The following GOLIM4 variants were observed in gnomAD, a reference collection of about 807,000 sequenced individuals.
The protein encoded by GOLIM4 is golgi integral membrane protein 4, also known as 130 kDa golgi-localized phosphoprotein.
Under a neutral mutation model 107.4 loss-of-function variants are expected in GOLIM4, and 71 were observed. The ratio of observed to expected loss-of-function variants is 0.66; its 90% CI spans 0.55 to 0.81. The LOEUF is 0.81. Ranked by LOEUF, GOLIM4 falls within the 30% of genes least tolerant of loss-of-function variation. The pLI, the probability that GOLIM4 is intolerant of heterozygous loss-of-function variation, is 0.00. For synonymous variants in GOLIM4, 327 were observed against 294.8 expected, an observed-to-expected ratio of 1.11 and a Z score of -1.12; for missense variants, 830 against 826.1, an observed-to-expected ratio of 1.00 and a Z score of -0.06.
chr3:168,041,322 A>C, intron 6 of GOLIM4, 70 bp downstream of exon 6: 2 of 892,722 alleles, frequency 2.2e-6, no homozygotes, highest in South Asian at 2.8e-5. Context: ...TTAGGGAATG[A>C]CTTTTTAAAG....
intron 1 of GOLIM4, among the ~76,000 whole-genome samples, chr3:168,093,755 A>G (rs770464844): frequency 1.3e-5 from 2 of 152,198 alleles, no homozygotes; most frequent in Non-Finnish European, 2.9e-5. Flanking sequence ...CGAGCCATAT[A>G]TTTTCATTGC....
chr3:168,082,081 C>G (rs1721397165), intron 1 of GOLIM4, among the ~76,000 whole-genome samples: 1 of 152,122 alleles, frequency 6.6e-6, no homozygotes, highest in Non-Finnish European at 1.5e-5. Context: ...TGCCCTAAAG[C>G]AGTGGTTCTT....
intron 1 of GOLIM4, among the ~76,000 whole-genome samples, chr3:168,064,206 T>C (rs1720425646): frequency 6.6e-6 from 1 of 152,204 alleles, no homozygotes; most frequent in Non-Finnish European, 1.5e-5. Flanking sequence ...ACAGTCTTTT[T>C]ATAATACTTT....
intron 14 of GOLIM4, among the ~76,000 whole-genome samples, chr3:168,017,775 A>G (rs936384317): frequency 2.0e-5 from 3 of 152,260 alleles, no homozygotes; most frequent in African/African-American, 7.2e-5. Context: ...AATAAAATAC[A>G]ATCATTTCAA....
intron 1 of GOLIM4, among the ~76,000 whole-genome samples, chr3:168,088,426 G>A (rs567303833): frequency 5.3e-5 from 8 of 152,066 alleles, no homozygotes; most frequent in Non-Finnish European, 1.0e-4. Context: ...ACTCATACTC[G>A]TCACTTCAGA....
intron 1 of GOLIM4, among the ~76,000 whole-genome samples, chr3:168,081,516 G>A (rs535117216): frequency 1.3e-5 from 2 of 152,294 alleles, no homozygotes; most frequent in Non-Finnish European, 2.9e-5. Flanking sequence ...ACTCAGTTTT[G>A]TAAGTCCTGT....
chr3:168,048,500 T>C (rs1719441091), intron 1 of GOLIM4, 135 bp from the exon 2 acceptor site: 1 of 579,046 alleles, frequency 1.7e-6, no homozygotes, highest in Admixed American at 3.2e-5. Flanking sequence ...TGTTTTAAGT[T>C]CCCCTTTCCA....
rs1716877691 is a variant in GOLIM4, at chr3:168,009,623, T to A, written c.*646A>T. Reference sequence around the variant, plus strand: ...ATGAGTTTTAATACTCTCTCATTTTTAAATTCAATTCCTCTTAAACAGAAC... The same window carrying A: ...ATGAGTTTTAATACTCTCTCATTTTAAAATTCAATTCCTCTTAAACAGAAC... On this transcript the variant is annotated 3_prime_UTR_variant, in exon 16 of 16. Coordinates refer to ENST00000470487, the MANE Select transcript of GOLIM4 (RefSeq NM_014498.5). 6.6e-6 allele frequency: 1 copy of A among 152,202 alleles called. No individual in the cohort carries two copies. The highest frequency in any genetic ancestry group is 1.5e-5 in the Non-Finnish European group (1 of 68,052). 9.4% of individuals were successfully genotyped at this position (152,202 alleles called of 1,614,324 possible).
intron 1 of GOLIM4, among the ~76,000 whole-genome samples, chr3:168,065,164 G>T (rs1354833418): frequency 3.3e-5 from 5 of 152,142 alleles, no homozygotes. Context: ...AGCTGTTGTA[G>T]AGTTAAGTCA....
chr3:168,091,326 C>T (rs1031806139), intron 1 of GOLIM4, among the ~76,000 whole-genome samples: 4 of 152,194 alleles, frequency 2.6e-5, no homozygotes, highest in Non-Finnish European at 1.5e-5. Flanking sequence ...TTTGCCTCTA[C>T]ACTAAATGCC....
chr3:168,046,081 C>A (rs1339430758), intron 3 of GOLIM4, among the ~76,000 whole-genome samples: 1 of 152,106 alleles, frequency 6.6e-6, no homozygotes, highest in Admixed American at 6.6e-5. Context: ...CTATTTTGCA[C>A]GGGCTGGTCT....
chr3:168,047,859 G>A (rs1719400549), intron 2 of GOLIM4, among the ~76,000 whole-genome samples: 1 of 151,972 alleles, frequency 6.6e-6, no homozygotes, highest in African/African-American at 2.4e-5. Context: ...ATGGACAATG[G>A]GATCAATTCA....
chr3:168,062,042 T>G (rs968480274), intron 1 of GOLIM4, among the ~76,000 whole-genome samples: 1 of 152,236 alleles, frequency 6.6e-6, no homozygotes, highest in African/African-American at 2.4e-5. Flanking sequence ...TATCACATCA[T>G]GCATTTGTTA....
intron 1 of GOLIM4, among the ~76,000 whole-genome samples, chr3:168,055,562 GC>G (rs1719902897): frequency 6.6e-6 from 1 of 152,090 alleles, no homozygotes; most frequent in Non-Finnish European, 1.5e-5. Context: ...ACTTTGGGAG[GC>G]CGAGGTGGAG....
intron 14 of GOLIM4, among the ~76,000 whole-genome samples, chr3:168,014,823 T>G (rs907773022): frequency 2.0e-5 from 3 of 147,846 alleles, no homozygotes; most frequent in Non-Finnish European, 4.4e-5. Flanking sequence ...GAAAAAGCCT[T>G]TGACAAAATT....
chr3:168,010,705 A>G (rs1207867607), intron 15 of GOLIM4, 38 bp downstream of exon 15: 2 of 1,422,416 alleles, frequency 1.4e-6, no homozygotes, highest in South Asian at 1.1e-5. Flanking sequence ...ACCCACAAAC[A>G]CTCAAGTGCT....
At chr3:168,038,228 A>T (rs1472976115) in intron 7 of GOLIM4, among the ~76,000 whole-genome samples, 1 of 152,236 alleles carries the variant, frequency 6.6e-6, no homozygotes, top group African/African-American at 2.4e-5. Context: ...CTTTGGAGGT[A>T]AAAAATAAAT....
chr3:168,040,256 G>T (rs921050952), intron 7 of GOLIM4, among the ~76,000 whole-genome samples: 1 of 152,148 alleles, frequency 6.6e-6, no homozygotes, highest in African/African-American at 2.4e-5. Flanking sequence ...AGCTGTTCTA[G>T]GTTTGAACAA....
At chr3:168,081,050 C>T (rs897277070) in intron 1 of GOLIM4, among the ~76,000 whole-genome samples, 2 of 152,284 alleles carry the variant, frequency 1.3e-5, no homozygotes, top group South Asian at 2.1e-4. Context: ...GCTAAAGATG[C>T]TACCAGGTAG....
Sources: gnomAD v4.1 joint callset for allele counts (sites outside exome capture counted in the v4.1 genomes callset) on GRCh38, gnomAD v4.1.1 for gene constraint, MANE v1.5 for transcripts, NCBI Gene and HGNC (gene_info 2026-07-23, HGNC 2026-07-21) for gene names.